AKR1A1: variants seen among roughly 807,000 people sequenced by gnomAD.
AKR1A1 encodes the protein aldo-keto reductase family 1 member A1.
In AKR1A1, 26 loss-of-function variants were observed where a neutral mutation model predicts 39.2. The observed-to-expected ratio is 0.66, with a 90% CI of 0.49 to 0.92. The LOEUF (loss-of-function observed/expected upper bound fraction) is 0.92. Among genes scored for constraint, AKR1A1 ranks in the 40% least tolerant of loss-of-function variants. The pLI is 0.00. For synonymous variants in AKR1A1, 141 were observed against 155.5 expected, an observed-to-expected ratio of 0.91 and a Z score of 0.69; for missense variants, 378 against 406.5, an observed-to-expected ratio of 0.93 and a Z score of 0.60.
Position 45,566,949 on chromosome 1 carries a change from C to T in AKR1A1, c.285C>T (p.Leu95=), listed in dbSNP as rs1254820473. The T allele has an allele frequency of 6.2e-7, 1 of 1,614,104 alleles. No individual in the cohort carries two copies. The highest frequency in any genetic ancestry group is 8.5e-7 in the Non-Finnish European group (1 of 1,180,052). Residue 95 remains leucine (L), a synonymous_variant, in exon 4 of 9, where the codon CTC becomes CTT. Transcript: ENST00000351829. ...KHHPEDVEPA[L]RKTLADLQLE... ...ACCCCGAGGATGTGGAGCCTGCCCTCCGGAAGACTCTGGCTGACCTCCAGC... is the reference window on the plus strand; with the variant it reads ...ACCCCGAGGATGTGGAGCCTGCCCTTCGGAAGACTCTGGCTGACCTCCAGC...
At chr1:45,565,863 T>TA (rs1644335857) in intron 2 of AKR1A1, among the ~76,000 whole-genome samples, 1 of 151,694 alleles carries the variant, frequency 6.6e-6, no homozygotes. Context: ...AATGCTCCCA[T>TA]GTCAGCCTCC....
At chr1:45,565,674 C>T (rs1644332758) in intron 2 of AKR1A1, among the ~76,000 whole-genome samples, 1 of 151,914 alleles carries the variant, frequency 6.6e-6, no homozygotes, top group Non-Finnish European at 1.5e-5. Context: ...AGAATTTCAC[C>T]ATGTTGGCCA....
At chr1:45,564,259 T>C (rs1644312115) in intron 2 of AKR1A1, among the ~76,000 whole-genome samples, 1 of 151,900 alleles carries the variant, frequency 6.6e-6, no homozygotes, top group South Asian at 2.1e-4. Context: ...AGGCAGAGGG[T>C]TGGGGGCCAC....
At position 45,568,485 on chromosome 1, in the gene AKR1A1, G is replaced by T. The variant is rs1466218230; in HGVS notation, c.553G>T (p.Val185Leu). ...GGTGATGGGTTATTCTTTGGCTCAG[G>T]TGGAATGCCACCCATACTTGGCTCA... ...VASVRPAVLQ[V>L]ECHPYLAQNE... The change falls in exon 6 of 9, where the codon GTG becomes TTG. Residue 185 changes from valine (V) to leucine (L), a missense_variant and splice_region_variant. Val to Leu is a conservative substitution (Grantham distance 32). Coordinates refer to ENST00000351829, the MANE Select transcript of AKR1A1 (RefSeq NM_153326.3). 3.7e-6 allele frequency: 6 copies of T among 1,613,616 alleles called. No homozygotes were observed. Among genetic ancestry groups the T allele is most frequent in the African/African-American group, 1.3e-5 (1 of 75,032 alleles).
intron 1 of AKR1A1, among the ~76,000 whole-genome samples, chr1:45,551,757 G>T (rs1644134130): frequency 6.6e-6 from 1 of 152,192 alleles, no homozygotes; most frequent in Admixed American, 6.5e-5. Flanking sequence ...TAATACAGGA[G>T]CAATCTCAGT....
At chr1:45,566,172 A>G (rs1644341665) in intron 2 of AKR1A1, among the ~76,000 whole-genome samples, 1 of 151,732 alleles carries the variant, frequency 6.6e-6, no homozygotes, top group Non-Finnish European at 1.5e-5. Flanking sequence ...GCAGTGGCAC[A>G]ATCTCAGCTC....
At chr1:45,560,718 T>C (rs1289502971) in intron 1 of AKR1A1, among the ~76,000 whole-genome samples, 1 of 146,266 alleles carries the variant, frequency 6.8e-6, no homozygotes, top group East Asian at 2.0e-4. Flanking sequence ...GGAGAATCTC[T>C]GCAGTTCTTT....
chr1:45,558,705 T>G (rs1644240044), intron 1 of AKR1A1, among the ~76,000 whole-genome samples: 2 of 152,088 alleles, frequency 1.3e-5, no homozygotes, highest in Non-Finnish European at 2.9e-5. Flanking sequence ...GCCTAATTTT[T>G]GTATTTTCAG....
At position 45,568,559 on chromosome 1, in the gene AKR1A1, T is replaced by C. The variant is rs372103048; in HGVS notation, c.627T>C (p.Ala209=). 8.1e-6 allele frequency: 13 copies of C among 1,613,856 alleles called. No individual in the cohort carries two copies. The highest frequency in any genetic ancestry group is 2.7e-5 in the African/African-American group (2 of 74,926). ...HCQARGLEVT[A]YSPLGSSDRA... ...AAGCACGTGGCCTGGAGGTAACTGCTTATAGCCCTTTGGGCTCCTCTGATC... is the reference window on the plus strand; with the variant it reads ...AAGCACGTGGCCTGGAGGTAACTGCCTATAGCCCTTTGGGCTCCTCTGATC... Residue 209 remains alanine, a synonymous_variant, in exon 6 of 9, where the codon GCT becomes GCC. Transcript: ENST00000351829.
chr1:45,560,093 T>C (rs1161454117), intron 1 of AKR1A1, among the ~76,000 whole-genome samples: 1 of 152,076 alleles, frequency 6.6e-6, no homozygotes, highest in African/African-American at 2.4e-5. Flanking sequence ...GTTCAAACGA[T>C]TCTCCCGCCT....
chr1:45,553,694 T>C lies in AKR1A1; in HGVS notation c.-7+2539T>C, dbSNP rs367737465. Among the ~76,000 whole-genome samples, 22 of 151,974 alleles carry C rather than the reference T, an allele frequency of 1.4e-4. No individual in the cohort carries two copies. In the East Asian group the frequency reaches 3.1e-3, roughly 22 times the overall value. ...GTAAGGTGATTTTCCAAGCTGGCTT[T>C]TCTAGAAGTATAGGAGAGGCCGGGT... On this transcript the variant is annotated intron_variant, in intron 1 of 8. Transcript: ENST00000351829.
chr1:45,568,387 G>A (rs936005533), intron 5 of AKR1A1, 98 bp from the exon 6 acceptor site: 2 of 1,365,880 alleles, frequency 1.5e-6, no homozygotes, highest in Middle Eastern at 2.5e-4. Context: ...GGGAGTGGAG[G>A]AGTCAGCAAT....
In AKR1A1 at chr1:45,559,831, A is replaced by G. The variant is rs1193028183; in HGVS notation, c.-6-1958A>G. 2.7e-5 allele frequency among the ~76,000 whole-genome samples: 4 copies of G among 150,882 alleles called. No individual in the cohort carries two copies. In the East Asian group the frequency reaches 7.8e-4, roughly 29 times the overall value. On this transcript the variant is annotated intron_variant, in intron 1 of 8. Transcript: ENST00000351829. ...CCCGGCTAATTTTTCTATTTTTAGTAGAGACGGGGTTTCGCTATGTTGACC... is the reference window on the plus strand; with the variant it reads ...CCCGGCTAATTTTTCTATTTTTAGTGGAGACGGGGTTTCGCTATGTTGACC...
intron 1 of AKR1A1, among the ~76,000 whole-genome samples, chr1:45,551,615 A>T (rs1440153449): frequency 6.6e-6 from 1 of 152,114 alleles, no homozygotes; most frequent in African/African-American, 2.4e-5. Context: ...GTTGCCCCAG[A>T]ACTCTGTTAA....
At chr1:45,568,903 C>T (rs1307343627) in intron 6 of AKR1A1, 24 bp from the exon 7 acceptor site, 4 of 1,612,640 alleles carry the variant, frequency 2.5e-6, no homozygotes, top group Non-Finnish European at 3.4e-6. Context: ...CCCTTTTCCT[C>T]ATCTGTCTAA....
At chr1:45,568,834 G>A (rs1028018271) in intron 6 of AKR1A1, 93 bp from the exon 7 acceptor site, 30 of 1,532,806 alleles carry the variant, frequency 2.0e-5, no homozygotes, top group Non-Finnish European at 2.5e-5. Context: ...CAGGGCTCAG[G>A]TGCTCCAGGA....
At chr1:45,557,329 A>T (rs1225340226) in intron 1 of AKR1A1, among the ~76,000 whole-genome samples, 1 of 151,966 alleles carries the variant, frequency 6.6e-6, no homozygotes, top group Non-Finnish European at 1.5e-5. Flanking sequence ...CAAGCAGAAG[A>T]TGAGGAAGTC....
chr1:45,563,517 T>G (rs1283009786), intron 2 of AKR1A1, among the ~76,000 whole-genome samples: 1 of 151,702 alleles, frequency 6.6e-6, no homozygotes, highest in Non-Finnish European at 1.5e-5. Context: ...AAGCTGGGTG[T>G]GGTGGCTCAT....
chr1:45,561,788 G>T lies in AKR1A1; in HGVS notation c.-6-1G>T, dbSNP rs1157962073. The T allele has an allele frequency of 6.2e-7, 1 of 1,613,948 alleles. No individual in the cohort carries two copies. Among genetic ancestry groups the T allele is most frequent in the South Asian group, 1.1e-5 (1 of 91,072 alleles). ...CCATTCTCTTCCCATCTGTGTTTCA[G>T]GGGGCAATGGCGGCTTCCTGTGTTC... On this transcript the variant is annotated splice_acceptor_variant, in intron 1 of 8. Transcript: ENST00000351829. LOFTEE classifies it low-confidence loss of function (5UTR_SPLICE).
Sources: gnomAD v4.1 joint callset for allele counts (sites outside exome capture counted in the v4.1 genomes callset) on GRCh38, gnomAD v4.1.1 for gene constraint, MANE v1.5 for transcripts, NCBI Gene and HGNC (gene_info 2026-07-23, HGNC 2026-07-21) for gene names.